The following ZNF423 variants were observed in gnomAD, a reference collection of about 807,000 sequenced individuals.
ZNF423 encodes the protein zinc finger protein 423, also known as Ebf-associated zinc finger protein.
In ZNF423, 12 loss-of-function variants were observed where a neutral mutation model predicts 95.8. The ratio of observed to expected loss-of-function variants is 0.13; its 90% CI spans 0.08 to 0.20. The LOEUF is 0.20. Among genes scored for constraint, ZNF423 ranks in the 10% least tolerant of loss-of-function variants. The pLI, the probability that ZNF423 is intolerant of heterozygous loss-of-function variation, is 1.00. For missense variants in ZNF423, 1,316 were observed against 1,737.1 expected (o/e 0.76, Z 4.31); for synonymous variants, 749 against 711.9 (o/e 1.05, Z -0.83).
intron 1 of ZNF423, among the ~76,000 whole-genome samples, chr16:49,852,577 C>A (rs1442921451): frequency 6.6e-6 from 1 of 151,978 alleles, no homozygotes; most frequent in Non-Finnish European, 1.5e-5. Context: ...CCAAAATTAT[C>A]AAAGAGAACA....
chr16:49,521,883 C>T (rs1383323942), intron 7 of ZNF423, among the ~76,000 whole-genome samples: 5 of 152,334 alleles, frequency 3.3e-5, no homozygotes, highest in East Asian at 3.9e-4. Context: ...CCTCCAAGGG[C>T]CTGTTTGCAT....
rs546442524 is a variant in ZNF423, at chr16:49,735,983, G to A, written c.101-5012C>T. Among the ~76,000 whole-genome samples the A allele has an allele frequency of 1.1e-4, 16 of 152,264 alleles. No homozygotes were observed. The East Asian group carries it at 1.5e-3, about 15-fold the overall frequency. On this transcript the variant is annotated intron_variant, in intron 2 of 7. Coordinates refer to ENST00000563137, the MANE Select transcript of ZNF423 (RefSeq NM_001379286.1). ...GTTTGTTACGTAGCAATGGATAGCC[G>A]ACCTTCTCGCCCCACACCGGACTAT...
At position 49,770,779 on chromosome 16, in the gene ZNF423, C is replaced by T. The variant is rs9938993; in HGVS notation, c.100+18708G>A. On this transcript the variant is annotated intron_variant, in intron 2 of 7. Transcript: ENST00000563137. ...CGGGCCCTACTACATCACCCACCAA[C>T]GTGGCTCTCCCAGCCAACTGCCCCA... Among the ~76,000 whole-genome samples, 961 of 152,316 alleles carry T rather than the reference C, an allele frequency of 6.3e-3. 12 individuals are homozygous for T. Among genetic ancestry groups the T allele is most frequent in the African/African-American group, 0.022 (925 of 41,574 alleles).
At position 49,635,980 on chromosome 16, in the gene ZNF423, G is replaced by C. The variant is rs759015585; in HGVS notation, c.3196C>G (p.Gln1066Glu). 19 of 1,600,496 alleles carry C rather than the reference G, an allele frequency of 1.2e-5. No homozygotes were observed. The highest frequency in any genetic ancestry group is 1.5e-5 in the Non-Finnish European group (18 of 1,171,782). The change falls in exon 4 of 8, where the codon CAG (glutamine) becomes GAG (glutamate). Residue 1066 changes from glutamine (Q) to glutamate (E), a missense_variant. By Grantham distance (29) the Gln-to-Glu change is conservative. This residue lies in a region of ZNF423 where 620 missense variants were observed against 775.6 expected (regional missense o/e 0.80). Coordinates refer to ENST00000563137, the MANE Select transcript of ZNF423 (RefSeq NM_001379286.1). The surrounding 1 kb of genome is among the most constrained non-coding windows in gnomAD (Gnocchi z 4.8). The stretch of plus-strand genomic sequence containing the variant: ...CACTTGTAGAGCTTCTGCAGCCCCT[G>C]GCCATTGGGGGAGGACGCCGCTGAG... ...GSSAASSPNG[Q>E]GLQKLYKCAL...
intron 5 of ZNF423, among the ~76,000 whole-genome samples, chr16:49,530,824 G>A (rs542115409): frequency 6.6e-6 from 1 of 152,292 alleles, no homozygotes; most frequent in East Asian, 1.9e-4. Context: ...GATGTGGCAG[G>A]GCAGAGCAGG....
chr16:49,838,644 G>A (rs1037473440), intron 1 of ZNF423, among the ~76,000 whole-genome samples: 1 of 152,018 alleles, frequency 6.6e-6, no homozygotes, highest in African/African-American at 2.4e-5. Context: ...GCTCGACGCC[G>A]CCGTCCCCAG....
At chr16:49,505,468 G>A (rs1243800558) in intron 7 of ZNF423, among the ~76,000 whole-genome samples, 2 of 152,188 alleles carry the variant, frequency 1.3e-5, no homozygotes, top group Non-Finnish European at 2.9e-5. Flanking sequence ...TTCTGAGGGG[G>A]CCTCCTCAGA....
intron 3 of ZNF423, among the ~76,000 whole-genome samples, chr16:49,677,309 A>AAGAG (rs1567284128): frequency 1.2e-5 from 1 of 85,354 alleles, no homozygotes; most frequent in Non-Finnish European, 2.3e-5. Context: ...AAGAGAAGAG[A>AAGAG]AAGGAGGGGA....
rs766653789 is a variant in ZNF423, at chr16:49,638,081, G to A, written c.1095C>T (p.Pro365=). ...AGGCCACGCTGCCCAGTACAGGGTC[G>A]GGACTGACACTGTGGTTGCTGGAGT... is the stretch of plus-strand genomic sequence containing the variant. ...QPDSSNHSVS[P]DPVLGSVASM... Residue 365 remains proline (P), a synonymous_variant, in exon 4 of 8, where the codon CCC becomes CCT. Coordinates refer to ENST00000563137, the MANE Select transcript of ZNF423 (RefSeq NM_001379286.1). The surrounding 1 kb of genome is among the most constrained non-coding windows in gnomAD (Gnocchi z 5.6). 54 of 1,613,664 alleles carry A rather than the reference G, an allele frequency of 3.3e-5. No individual in the cohort carries two copies. Among genetic ancestry groups the A allele is most frequent in the Admixed American group, 2.0e-4 (12 of 59,980 alleles).
intron 3 of ZNF423, among the ~76,000 whole-genome samples, chr16:49,687,061 C>A (rs2031592540): frequency 6.6e-6 from 1 of 152,062 alleles, no homozygotes; most frequent in Non-Finnish European, 1.5e-5. Flanking sequence ...TCTGCCACCT[C>A]CCCACATCTG....
intron 3 of ZNF423, among the ~76,000 whole-genome samples, chr16:49,713,462 T>TC (rs2032607360): frequency 6.6e-6 from 1 of 152,082 alleles, no homozygotes; most frequent in Non-Finnish European, 1.5e-5. Context: ...GTAGTTATTC[T>TC]CCCAGCCTCT....
intron 2 of ZNF423, among the ~76,000 whole-genome samples, chr16:49,770,596 A>G (rs1306156627): frequency 6.6e-6 from 1 of 152,078 alleles, no homozygotes; most frequent in Non-Finnish European, 1.5e-5. Context: ...ACTCACGTGC[A>G]AAGGGTTTGT....
intron 2 of ZNF423, chr16:49,731,375 G>A: frequency 2.0e-6 from 2 of 985,338 alleles, no homozygotes; most frequent in Non-Finnish European, 2.4e-6. Context: ...TTTAGAGCTG[G>A]GAGATCTCTT....
At chr16:49,714,327 C>T (rs909601554) in intron 3 of ZNF423, among the ~76,000 whole-genome samples, 3 of 152,174 alleles carry the variant, frequency 2.0e-5, no homozygotes, top group South Asian at 2.1e-4. Flanking sequence ...TATTTCAACA[C>T]GCAGCCAGGG....
At chr16:49,804,891 CTT>C (rs754687457) in intron 1 of ZNF423, among the ~76,000 whole-genome samples, 270 of 95,922 alleles carry the variant, frequency 2.8e-3, no homozygotes, top group Middle Eastern at 0.012. Flanking sequence ...GATCCCACAG[CTT>C]TTTTTTTTTT....
intron 2 of ZNF423, among the ~76,000 whole-genome samples, chr16:49,768,137 G>A (rs1413005171): frequency 6.6e-6 from 1 of 152,228 alleles, no homozygotes; most frequent in Non-Finnish European, 1.5e-5. Flanking sequence ...CAATTTCAGC[G>A]CTGAGGGCTC....
chr16:49,811,328 T>C (rs944155206), intron 1 of ZNF423, among the ~76,000 whole-genome samples: 2 of 151,510 alleles, frequency 1.3e-5, no homozygotes, highest in Non-Finnish European at 2.9e-5. Context: ...GGAGAGGAGT[T>C]AGAGTTGGCC....
intron 3 of ZNF423, among the ~76,000 whole-genome samples, chr16:49,656,817 C>T (rs2029896260): frequency 6.6e-6 from 1 of 152,302 alleles, no homozygotes. Context: ...TGAGTTGTCT[C>T]ATTTTAATAT....
chr16:49,695,695 A>G (rs1203462342), intron 3 of ZNF423, among the ~76,000 whole-genome samples: 2 of 152,200 alleles, frequency 1.3e-5, no homozygotes, highest in Non-Finnish European at 2.9e-5. Context: ...CCAAAGTGCC[A>G]GGATTACAGG....
Sources: gnomAD v4.1 joint callset for allele counts (sites outside exome capture counted in the v4.1 genomes callset) on GRCh38, gnomAD v4.1.1 for gene constraint, gnomAD v4.1.1 regional missense constraint, Gnocchi (gnomAD v3.1) non-coding constraint, MANE v1.5 for transcripts, NCBI Gene and HGNC (gene_info 2026-07-23, HGNC 2026-07-21) for gene names.